Variants in MCPH1 observed in about 807,000 individuals in gnomAD.
MCPH1 encodes microcephalin.
In MCPH1, 104 loss-of-function variants were observed where a neutral mutation model predicts 84.5. The observed-to-expected ratio is 1.23, with a 90% CI of 1.05 to 1.45. The LOEUF is 1.45. MCPH1 is among the 40% of genes most tolerant of loss of function. The probability of loss-of-function intolerance (pLI) is 0.00; values close to 1 mark genes in which losing one functional copy is unlikely to be tolerated. For missense variants in MCPH1, 1,498 were observed against 1,005.7 expected, an observed-to-expected ratio of 1.49 and a Z score of -6.62; for synonymous variants, 514 against 366.8, an observed-to-expected ratio of 1.40 and a Z score of -4.58.
At chr8:6,551,243 C>G (rs999793706) in intron 12 of MCPH1, among the ~76,000 whole-genome samples, 6 of 151,338 alleles carry the variant, frequency 4.0e-5, no homozygotes, top group African/African-American at 1.5e-4. Flanking sequence ...TTTTTTTCTT[C>G]TTTCTCATGC....
intron 7 of MCPH1, 127 bp from the exon 8 acceptor site, chr8:6,444,266 A>G (rs1453349938): frequency 1.9e-6 from 2 of 1,065,528 alleles, no homozygotes; most frequent in African/African-American, 3.2e-5. Context: ...AGAAGAACTC[A>G]AGTGTGGTTA....
intron 12 of MCPH1, among the ~76,000 whole-genome samples, chr8:6,537,549 T>TAC (rs1820730487): frequency 6.6e-6 from 1 of 151,010 alleles, no homozygotes; most frequent in African/African-American, 2.4e-5. Flanking sequence ...ATGCAACATA[T>TAC]ATATATATAT....
intron 12 of MCPH1, among the ~76,000 whole-genome samples, chr8:6,536,409 G>GT (rs997292950): frequency 1.3e-5 from 1 of 75,030 alleles, no homozygotes; most frequent in African/African-American, 5.0e-5. Flanking sequence ...CCTTTTAAGA[G>GT]CCAAAGTGAT....
chr8:6,413,166 G>C (rs1798776672), intron 2 of MCPH1, among the ~76,000 whole-genome samples: 1 of 152,146 alleles, frequency 6.6e-6, no homozygotes, highest in African/African-American at 2.4e-5. Flanking sequence ...TAATATTTTA[G>C]CTGAGTGTAA....
At chr8:6,621,717 G>C in intron 13 of MCPH1, 26 bp downstream of exon 13, 7 of 1,613,874 alleles carry the variant, frequency 4.3e-6, no homozygotes, top group Non-Finnish European at 5.1e-6. Context: ...CACAGACGCT[G>C]TGGTGTGGTC....
intron 11 of MCPH1, among the ~76,000 whole-genome samples, chr8:6,499,016 C>A (rs1207126223): frequency 6.6e-6 from 1 of 151,686 alleles, no homozygotes; most frequent in Admixed American, 6.6e-5. Context: ...TGCACCACTG[C>A]ACTCCAGCCT....
intron 13 of MCPH1, among the ~76,000 whole-genome samples, chr8:6,639,992 G>C (rs947980139): frequency 2.6e-4 from 39 of 151,650 alleles, no homozygotes; most frequent in African/African-American, 9.4e-4. Flanking sequence ...TCCCACCTTA[G>C]CCTCCCAAGT....
intron 11 of MCPH1, among the ~76,000 whole-genome samples, chr8:6,483,207 T>G (rs921413598): frequency 4.6e-5 from 7 of 152,214 alleles, no homozygotes; most frequent in Non-Finnish European, 8.8e-5. Context: ...CATACAATGT[T>G]CATGGATTAG....
chr8:6,628,142 C>T (rs1424051826), intron 13 of MCPH1, among the ~76,000 whole-genome samples: 1 of 152,068 alleles, frequency 6.6e-6, no homozygotes, highest in Non-Finnish European at 1.5e-5. Flanking sequence ...ACTAAACTCA[C>T]TGGATGTGAA....
Position 6,430,095 on chromosome 8 carries a change from G to A in MCPH1, c.234-1404G>A, listed in dbSNP as rs1472187537. Reference sequence around the variant, plus strand: ...GGAAGATCTGTGTCCTCCCACATCTGCCTCCTTGTCAGAGTTGAGTCTGGT... The same window carrying A: ...GGAAGATCTGTGTCCTCCCACATCTACCTCCTTGTCAGAGTTGAGTCTGGT... On this transcript the variant is annotated intron_variant, in intron 3 of 13. Transcript: ENST00000344683. Among the ~76,000 whole-genome samples, 3 of 152,286 alleles carry A rather than the reference G, an allele frequency of 2.0e-5. No individual in the cohort carries two copies. In the East Asian group the frequency reaches 5.8e-4, roughly 29 times the overall value.
intron 12 of MCPH1, among the ~76,000 whole-genome samples, chr8:6,551,202 T>G (rs142889737): frequency 6.6e-6 from 1 of 151,962 alleles, no homozygotes; most frequent in Non-Finnish European, 1.5e-5. Context: ...AGGGTCCTAG[T>G]TAAGCTGAGA....
At chr8:6,613,999 G>C (rs987702443) in intron 12 of MCPH1, among the ~76,000 whole-genome samples, 4 of 152,060 alleles carry the variant, frequency 2.6e-5, no homozygotes, top group Non-Finnish European at 5.9e-5. Context: ...TTTTTCTAAG[G>C]TCCACAGGCT....
intron 9 of MCPH1, among the ~76,000 whole-genome samples, chr8:6,456,350 A>C (rs959119045): frequency 7.9e-5 from 12 of 152,136 alleles, no homozygotes; most frequent in African/African-American, 2.9e-4. Context: ...GCTGCCTCCC[A>C]GGGGTGGGGC....
At chr8:6,544,634 G>A (rs1212756748) in intron 12 of MCPH1, among the ~76,000 whole-genome samples, 3 of 152,158 alleles carry the variant, frequency 2.0e-5, no homozygotes, top group African/African-American at 4.8e-5. Flanking sequence ...ACTTGGCCAT[G>A]AAATGAAGCG....
At chr8:6,514,406 C>T (rs3020218) in intron 12 of MCPH1, among the ~76,000 whole-genome samples, 1 of 151,940 alleles carries the variant, frequency 6.6e-6, no homozygotes, top group Admixed American at 6.5e-5. Flanking sequence ...GCCAACTGGT[C>T]TCAAACTCCT....
intron 11 of MCPH1, among the ~76,000 whole-genome samples, chr8:6,498,625 C>A (rs764639149): frequency 6.6e-6 from 1 of 152,134 alleles, no homozygotes; most frequent in African/African-American, 2.4e-5. Flanking sequence ...GAATGCCGCA[C>A]GCATTTTTAA....
At chr8:6,560,727 C>T (rs570264804) in intron 12 of MCPH1, among the ~76,000 whole-genome samples, 125 of 152,284 alleles carry the variant, frequency 8.2e-4, no homozygotes, top group Admixed American at 2.9e-3. Context: ...AAATTTTGGT[C>T]GCCTAACATA....
At chr8:6,613,474 T>C (rs970112521) in intron 12 of MCPH1, among the ~76,000 whole-genome samples, 24 of 151,558 alleles carry the variant, frequency 1.6e-4, no homozygotes, top group African/African-American at 5.8e-4. Context: ...TGTGCTGGTT[T>C]AGGGGCTGGG....
intron 11 of MCPH1, among the ~76,000 whole-genome samples, chr8:6,499,370 A>G (rs1811713446): frequency 1.3e-5 from 2 of 152,164 alleles, no homozygotes; most frequent in South Asian, 4.1e-4. Context: ...TTTCAAGTGT[A>G]TTCTGGGGAC....
Sources: gnomAD v4.1 joint callset for allele counts (sites outside exome capture counted in the v4.1 genomes callset) on GRCh38, gnomAD v4.1.1 for gene constraint, MANE v1.5 for transcripts, NCBI Gene and HGNC (gene_info 2026-07-23, HGNC 2026-07-21) for gene names.